Variants in GRM7 observed in about 807,000 individuals in gnomAD.
The protein encoded by GRM7 is metabotropic glutamate receptor 7.
Under a neutral mutation model 84.5 loss-of-function variants are expected in GRM7, and 35 were observed. The observed-to-expected ratio is 0.41, with a 90% CI of 0.32 to 0.55. GRM7 has a LOEUF of 0.55. GRM7 is among the 20% of genes least tolerant of loss of function. The pLI, the probability that GRM7 is intolerant of heterozygous loss-of-function variation, is 0.19. For missense variants in GRM7, 1,003 were observed against 1,194.6 expected (o/e 0.84, Z 2.36); for synonymous variants, 487 against 455.1 (o/e 1.07, Z -0.89).
chr3:7,603,175 T>A (rs1045438079), intron 8 of GRM7, among the ~76,000 whole-genome samples: 4 of 152,154 alleles, frequency 2.6e-5, no homozygotes, highest in African/African-American at 9.7e-5. Context: ...CTATTTTCAG[T>A]TGATACAGTG....
chr3:7,304,280 G>A (rs933675441), intron 3 of GRM7, among the ~76,000 whole-genome samples: 18 of 137,044 alleles, frequency 1.3e-4, no homozygotes, highest in Non-Finnish European at 2.5e-4. Context: ...GAATATTGAA[G>A]CCATTGCTCC....
chr3:7,661,811 AAAAAAAAAAT>A (rs1411386716), intron 8 of GRM7, among the ~76,000 whole-genome samples: 1 of 146,478 alleles, frequency 6.8e-6, no homozygotes, highest in African/African-American at 2.5e-5. Context: ...AAAAAAAAAA[AAAAAAAAAAT>A]GTAAAATGCT....
intron 1 of GRM7, among the ~76,000 whole-genome samples, chr3:7,009,930 C>T (rs995678305): frequency 1.3e-5 from 2 of 152,180 alleles, no homozygotes; most frequent in Non-Finnish European, 2.9e-5. Flanking sequence ...CAAGAAGATA[C>T]TCTAGAGTAC....
chr3:7,422,583 C>T (rs560496704), intron 5 of GRM7, among the ~76,000 whole-genome samples: 5 of 152,148 alleles, frequency 3.3e-5, no homozygotes, highest in South Asian at 2.1e-4. Flanking sequence ...ACAGGCTGGG[C>T]GAGGAGACTA....
At chr3:6,980,060 T>C (rs1057427280) in intron 1 of GRM7, among the ~76,000 whole-genome samples, 15 of 152,180 alleles carry the variant, frequency 9.9e-5, no homozygotes, top group African/African-American at 3.6e-4. Context: ...ATGTTAGAAT[T>C]AATGGCCTTT....
chr3:7,072,083 T>G (rs201246806), intron 1 of GRM7, among the ~76,000 whole-genome samples: 1 of 148,722 alleles, frequency 6.7e-6, no homozygotes, highest in African/African-American at 2.6e-5. Context: ...TTTCTCCCCC[T>G]GGTAGTCCTG....
chr3:6,999,962 A>G (rs927806593), intron 1 of GRM7, among the ~76,000 whole-genome samples: 1 of 152,216 alleles, frequency 6.6e-6, no homozygotes, highest in African/African-American at 2.4e-5. Context: ...TAAATAAAAG[A>G]TGTATTAATT....
At chr3:7,662,593 G>A (rs886692582) in intron 8 of GRM7, among the ~76,000 whole-genome samples, 1 of 152,198 alleles carries the variant, frequency 6.6e-6, no homozygotes, top group Non-Finnish European at 1.5e-5. Context: ...TTTCTTAGGT[G>A]TGACAATGAT....
intron 1 of GRM7, among the ~76,000 whole-genome samples, chr3:7,123,531 A>C (rs1574933648): frequency 6.6e-6 from 1 of 152,248 alleles, no homozygotes; most frequent in African/African-American, 2.4e-5. Flanking sequence ...AGGCAGGAGA[A>C]TCGCTTGAAC....
At chr3:7,156,216 C>G (rs1005330322) in intron 2 of GRM7, among the ~76,000 whole-genome samples, 34 of 152,112 alleles carry the variant, frequency 2.2e-4, no homozygotes, top group African/African-American at 8.0e-4. Context: ...TCACAGGATG[C>G]TAAGTATGGG....
chr3:7,514,021 T>G (rs1013622096), intron 7 of GRM7, among the ~76,000 whole-genome samples: 3 of 152,250 alleles, frequency 2.0e-5, no homozygotes, highest in African/African-American at 7.2e-5. Flanking sequence ...CTTGAGTGAC[T>G]TAATCTATTT....
At chr3:7,632,213 G>T (rs916472380) in intron 8 of GRM7, among the ~76,000 whole-genome samples, 1 of 152,126 alleles carries the variant, frequency 6.6e-6, no homozygotes, top group Non-Finnish European at 1.5e-5. Flanking sequence ...TCTTGGGAAG[G>T]CACTGGACAA....
intron 1 of GRM7, among the ~76,000 whole-genome samples, chr3:6,902,040 GA>G (rs1220549458): frequency 6.6e-6 from 1 of 151,910 alleles, no homozygotes; most frequent in Non-Finnish European, 1.5e-5. Context: ...CTTAAACTGA[GA>G]AAAAAACCTA....
chr3:7,276,805 T>TCCTTCC (rs1699086677), intron 2 of GRM7, among the ~76,000 whole-genome samples: 2 of 1,328 alleles, frequency 1.5e-3, no homozygotes, highest in African/African-American at 1.8e-3. Context: ...CTTCCTTCCT[T>TCCTTCC]TTTGGTGGTG....
At chr3:7,663,741 A>C (rs948291630) in intron 8 of GRM7, among the ~76,000 whole-genome samples, 13 of 152,360 alleles carry the variant, frequency 8.5e-5, no homozygotes, top group South Asian at 2.1e-4. Context: ...GAAATAAGTT[A>C]ACTTGAGAAA....
At chr3:7,049,035 A>G (rs1164842937) in intron 1 of GRM7, among the ~76,000 whole-genome samples, 1 of 152,024 alleles carries the variant, frequency 6.6e-6, no homozygotes, top group African/African-American at 2.4e-5. Flanking sequence ...CAGAGATTAA[A>G]TAAATTATAT....
intron 2 of GRM7, among the ~76,000 whole-genome samples, chr3:7,215,263 T>C (rs1696562318): frequency 6.6e-6 from 1 of 152,234 alleles, no homozygotes. Context: ...ATTTAGGAGT[T>C]AAAAGATAAA....
intron 9 of GRM7, among the ~76,000 whole-genome samples, chr3:7,690,310 T>C (rs1168584690): frequency 6.6e-6 from 1 of 152,076 alleles, no homozygotes; most frequent in Non-Finnish European, 1.5e-5. Context: ...TAGCGCACAA[T>C]ACTTCCCATA....
At chr3:7,680,718 G>T in intron 9 of GRM7, 1 of 180,324 alleles carries the variant, frequency 5.5e-6, no homozygotes, top group Admixed American at 5.6e-5. Context: ...TTTTCCTCTA[G>T]CATGTGAATG....
Sources: gnomAD v4.1 joint callset for allele counts (sites outside exome capture counted in the v4.1 genomes callset) on GRCh38, gnomAD v4.1.1 for gene constraint, MANE v1.5 for transcripts, NCBI Gene and HGNC (gene_info 2026-07-23, HGNC 2026-07-21) for gene names.